SRSF4: variants seen among roughly 807,000 people sequenced by gnomAD.
SRSF4 encodes the protein serine/arginine-rich splicing factor 4.
A neutral mutation model predicts 48.8 loss-of-function variants in SRSF4; 12 were observed. The ratio of observed to expected loss-of-function variants is 0.25; its 90% CI spans 0.16 to 0.40. The LOEUF (loss-of-function observed/expected upper bound fraction) is 0.40. Among genes scored for constraint, SRSF4 ranks in the 10% least tolerant of loss-of-function variants. The pLI is 1.00. For synonymous variants in SRSF4, 248 were observed against 232.5 expected, an observed-to-expected ratio of 1.07 and a Z score of -0.61; for missense variants, 466 against 667.1, an observed-to-expected ratio of 0.70 and a Z score of 3.32.
chr1:29,150,645 G>A (rs988126279), intron 4 of SRSF4, among the ~76,000 whole-genome samples: 2 of 152,136 alleles, frequency 1.3e-5, no homozygotes, highest in Non-Finnish European at 2.9e-5. Flanking sequence ...GAAGTCACCT[G>A]CAAACCTTCC....
chr1:29,180,832 T>C (rs758415569), intron 1 of SRSF4, among the ~76,000 whole-genome samples: 24 of 152,182 alleles, frequency 1.6e-4, no homozygotes, highest in Non-Finnish European at 2.9e-4. Context: ...ATACAAGTAA[T>C]AGATCATACT....
At chr1:29,154,618 G>A (rs1672469817) in intron 4 of SRSF4, 78 bp downstream of exon 4, 1 of 1,403,032 alleles carries the variant, frequency 7.1e-7, no homozygotes, top group Admixed American at 2.1e-5. Context: ...AACTCAACAG[G>A]AAAATGTAAA....
intron 1 of SRSF4, chr1:29,169,777 A>C (rs1203273801): frequency 1.3e-5 from 2 of 152,210 alleles, no homozygotes; most frequent in African/African-American, 4.8e-5. Context: ...CTCTAACAGA[A>C]TATATATTCA....
chr1:29,147,935 C>T lies in SRSF4; in HGVS notation c.*475G>A. 2.8e-6 allele frequency: 1 copy of T among 361,866 alleles called. No homozygotes were observed. The highest frequency in any genetic ancestry group is 5.6e-6 in the Non-Finnish European group (1 of 178,398). 22.4% of individuals were successfully genotyped at this position (361,866 alleles called of 1,614,324 possible). ...TGGGTTACTGCAGGTATCAATTTTC[C>T]TCGACTGTGCTATTCACAACTTTGT... On this transcript the variant is annotated 3_prime_UTR_variant, in exon 6 of 6. Transcript: ENST00000373795.
intron 2 of SRSF4, 83 bp from the exon 3 acceptor site, chr1:29,159,569 T>G: frequency 1.2e-6 from 1 of 800,242 alleles, no homozygotes; most frequent in Non-Finnish European, 2.0e-6. Flanking sequence ...CCCTTAAATA[T>G]ATTATTTACC....
intron 1 of SRSF4, chr1:29,171,814 C>A (rs1005988613): frequency 1.3e-5 from 2 of 152,150 alleles, no homozygotes; most frequent in South Asian, 2.1e-4. Flanking sequence ...ACAAATACTT[C>A]GTATGGCCCT....
At chr1:29,177,684 T>C (rs1463032771) in intron 1 of SRSF4, among the ~76,000 whole-genome samples, 1 of 152,146 alleles carries the variant, frequency 6.6e-6, no homozygotes, top group Admixed American at 6.6e-5. Flanking sequence ...GTTGTATTTG[T>C]GGTCCCAAAC....
At chr1:29,168,008 A>AT (rs1672691310) in intron 1 of SRSF4, among the ~76,000 whole-genome samples, 1 of 129,538 alleles carries the variant, frequency 7.7e-6, no homozygotes, top group Admixed American at 8.9e-5. Flanking sequence ...CAAGGTTCTA[A>AT]TTCCTTTTTT....
intron 3 of SRSF4, among the ~76,000 whole-genome samples, chr1:29,155,588 G>A (rs1672488510): frequency 6.6e-6 from 1 of 152,090 alleles, no homozygotes; most frequent in Non-Finnish European, 1.5e-5. Context: ...TGCCTCCCAG[G>A]TTCAAGTGAT....
chr1:29,165,165 G>C (rs1672653924), intron 1 of SRSF4, among the ~76,000 whole-genome samples: 1 of 152,158 alleles, frequency 6.6e-6, no homozygotes, highest in Non-Finnish European at 1.5e-5. Flanking sequence ...GGAAGTTGCT[G>C]TCATTTTCCC....
Position 29,154,797 on chromosome 1 carries a change from C to T in SRSF4, c.477G>A (p.Lys159=). ...TCCCATTGACTTCAGTTCCATCCAA[C>T]TTTTCCAAAGCTCTTTTCATATCAG... is the stretch of plus-strand genomic sequence containing the variant. ...SYSDMKRALE[K]LDGTEVNGRK... is the part of the protein sequence containing the mutation. Residue 159 remains lysine (K), a synonymous_variant, in exon 4 of 6, where the codon AAG becomes AAA. Transcript: ENST00000373795. 4.3e-6 allele frequency: 7 copies of T among 1,614,214 alleles called. No homozygotes were observed. The highest frequency in any genetic ancestry group is 5.9e-6 in the Non-Finnish European group (7 of 1,180,038).
intron 1 of SRSF4, chr1:29,171,631 A>G (rs1672745947): frequency 6.6e-6 from 1 of 151,978 alleles, no homozygotes; most frequent in Non-Finnish European, 1.5e-5. Flanking sequence ...TTAGCTTACA[A>G]ATTTGTAAGT....
chr1:29,176,867 C>T (rs1259458793), intron 1 of SRSF4, among the ~76,000 whole-genome samples: 1 of 152,282 alleles, frequency 6.6e-6, no homozygotes, highest in East Asian at 1.9e-4. Context: ...TTCCATGAAA[C>T]GCAGGTTCTG....
chr1:29,148,861 CTGCTCCGGCTCCTGCTGCCCCCTT>C lies in SRSF4; in HGVS notation c.1010_1033del (p.Lys337_Ser344del), dbSNP rs1368070747. ...CTTGTCCTTGCTCTTGCTGCGGCTC[CTGCTCCGGCTCCTGCTGCCCCCTT>C]TGCTCCTGCTCCGGCTCCGACTCTG... On this transcript the variant is annotated inframe_deletion, in exon 6 of 6. Coordinates refer to ENST00000373795, the MANE Select transcript of SRSF4 (RefSeq NM_005626.5). 2 of 1,601,704 alleles carry C rather than the reference CTGCTCCGGCTCCTGCTGCCCCCTT, an allele frequency of 1.2e-6. No homozygotes were observed. The highest frequency in any genetic ancestry group is 1.3e-5 in the African/African-American group (1 of 74,182).
chr1:29,174,682 T>G (rs1364844770), intron 1 of SRSF4, among the ~76,000 whole-genome samples: 2 of 149,712 alleles, frequency 1.3e-5, no homozygotes, highest in Non-Finnish European at 3.0e-5. Context: ...TAGGTTTTTT[T>G]TTTTTTTTTT....
chr1:29,149,464 A>G (rs1672369115), intron 5 of SRSF4, among the ~76,000 whole-genome samples: 1 of 152,088 alleles, frequency 6.6e-6, no homozygotes, highest in Admixed American at 6.5e-5. Context: ...GCGGATCGCG[A>G]GGTCAGGAGT....
In SRSF4 at chr1:29,154,925, A is replaced by T; in HGVS notation, c.364-15T>A. The T allele has an allele frequency of 6.2e-7, 1 of 1,603,596 alleles. No individual in the cohort carries two copies. The highest frequency in any genetic ancestry group is 8.5e-7 in the Non-Finnish European group (1 of 1,176,080). On this transcript the variant is annotated splice_polypyrimidine_tract_variant and intron_variant, in intron 3 of 5. Transcript: ENST00000373795. ...CGCATATAATCCTGAAGAAAAAAAA[A>T]AGTGTGACTACATTAGGATATGTTT...
In SRSF4 at chr1:29,149,105, T is replaced by G; in HGVS notation, c.790A>C (p.Lys264Gln). The G allele has an allele frequency of 6.2e-7, 1 of 1,613,118 alleles. No homozygotes were observed. The highest frequency in any genetic ancestry group is 8.5e-7 in the Non-Finnish European group (1 of 1,179,408). Residue 264 changes from lysine to glutamine, a missense_variant, in exon 6 of 6, where the codon AAG becomes CAG. Around this residue, in one of 2 missense-constraint regions of SRSF4, gnomAD observed 402 missense variants for 437.0 expected, o/e 0.92. Transcript: ENST00000373795. ...KSRSRSHSAG[K>Q]SRSKSKDQAE... ...TGGTCTTTGCTCTTGCTGCGGCTCT[T>G]GCCAGCGCTATGGCTGCGGCTGCGG... is the stretch of plus-strand genomic sequence containing the variant.
In SRSF4 at chr1:29,170,321, C is replaced by T. The variant is rs1415508993; in HGVS notation, c.108-9804G>A. On this transcript the variant is annotated intron_variant, in intron 1 of 5. Coordinates refer to ENST00000373795, the MANE Select transcript of SRSF4 (RefSeq NM_005626.5). Reference sequence around the variant, plus strand: ...ACTCTTGGGATTTAATATAGAATTACTTTATCTGTTATTCCTACTTAAAGA... The same window carrying T: ...ACTCTTGGGATTTAATATAGAATTATTTTATCTGTTATTCCTACTTAAAGA... The T allele has an allele frequency of 5.3e-5, 8 of 152,296 alleles. No homozygotes were observed. In the East Asian group the frequency reaches 5.8e-4, roughly 11 times the overall value. 9.4% of individuals were successfully genotyped at this position (152,296 alleles called of 1,614,324 possible). A position where few individuals can be genotyped will look rare whatever the true frequency, so the allele number is the denominator to read the frequency against.
Sources: gnomAD v4.1 joint callset for allele counts (sites outside exome capture counted in the v4.1 genomes callset) on GRCh38, gnomAD v4.1.1 for gene constraint, gnomAD v4.1.1 regional missense constraint, MANE v1.5 for transcripts, NCBI Gene and HGNC (gene_info 2026-07-23, HGNC 2026-07-21) for gene names.